Variants in CDH23 observed in about 807,000 individuals in gnomAD.
CDH23 encodes the protein cadherin-23.
In CDH23, 189 loss-of-function variants were observed where a neutral mutation model predicts 317.1. The ratio of observed to expected loss-of-function variants is 0.60; its 90% CI spans 0.53 to 0.67. The LOEUF (loss-of-function observed/expected upper bound fraction) is 0.67, where lower values mean the gene tolerates loss of function less well. Ranked by LOEUF, CDH23 falls within the 30% of genes least tolerant of loss-of-function variation. CDH23 has a pLI of 0.00. For missense variants in CDH23, 4,401 were observed against 4,592.4 expected (o/e 0.96, Z 1.20); for synonymous variants, 1,839 against 1,876.8 (o/e 0.98, Z 0.52).
In CDH23 at chr10:71,732,176, C is replaced by G. The variant is rs771886033; in HGVS notation, c.3905C>G (p.Thr1302Ser). The G allele has an allele frequency of 1.2e-6, 2 of 1,613,874 alleles. No homozygotes were observed. Among genetic ancestry groups the G allele is most frequent in the African/African-American group, 2.7e-5 (2 of 74,932 alleles). Reference sequence around the variant, plus strand: ...CAGGGCTTCTGCAGCGTCTACATCACTCTGCTCAACGAGCTGGACGAGGCC... The same window carrying G: ...CAGGGCTTCTGCAGCGTCTACATCAGTCTGCTCAACGAGCTGGACGAGGCC... ...FNQGFCSVYI[T>S]LLNELDEAVQ... The change falls in exon 32 of 70, where the codon ACT (threonine) becomes AGT (serine). Residue 1302 changes from threonine to serine, a missense_variant. Around this residue, in one of 3 missense-constraint regions of CDH23, gnomAD observed 3,068 missense variants for 3,203.3 expected, o/e 0.96. Transcript: ENST00000224721.
chr10:71,744,195 G>A (rs979984154), intron 38 of CDH23, among the ~76,000 whole-genome samples: 11 of 152,276 alleles, frequency 7.2e-5, no homozygotes, highest in South Asian at 4.1e-4. Context: ...CTGTCAGTGA[G>A]GAAGAAGTGG....
chr10:71,584,787 G>A (rs1177999666), intron 9 of CDH23, among the ~76,000 whole-genome samples: 1 of 152,202 alleles, frequency 6.6e-6, no homozygotes, highest in Admixed American at 6.5e-5. Context: ...GAATTGCTTT[G>A]GAACTCTGAA....
chr10:71,765,511 G>A (rs1295361369), intron 38 of CDH23, among the ~76,000 whole-genome samples: 9 of 152,316 alleles, frequency 5.9e-5, no homozygotes, highest in Admixed American at 2.0e-4. Context: ...TGTGAACAAG[G>A]TGGGGCAGGG....
intron 18 of CDH23, among the ~76,000 whole-genome samples, chr10:71,684,911 G>A (rs767977880): frequency 5.9e-5 from 9 of 152,210 alleles, no homozygotes; most frequent in East Asian, 5.8e-4. Context: ...CTCCAGGAAC[G>A]TGCCAAGTCC....
chr10:71,485,665 C>T (rs1439757930), intron 3 of CDH23, among the ~76,000 whole-genome samples: 1 of 152,242 alleles, frequency 6.6e-6, no homozygotes, highest in African/African-American at 2.4e-5. Flanking sequence ...GGTCCTACCT[C>T]CACTGGCTGT....
intron 26 of CDH23, among the ~76,000 whole-genome samples, chr10:71,708,791 A>G (rs962462365): frequency 2.0e-5 from 3 of 152,230 alleles, no homozygotes; most frequent in African/African-American, 7.2e-5. Context: ...CCAGAGTGGC[A>G]CAGGCACATC....
At chr10:71,741,105 G>A (rs995597217) in intron 37 of CDH23, among the ~76,000 whole-genome samples, 155 bp downstream of exon 37, 6 of 152,204 alleles carry the variant, frequency 3.9e-5, no homozygotes, top group East Asian at 1.9e-4. Context: ...TAGCCCTAAC[G>A]CCTAGCCTGG....
chr10:71,559,849 C>T lies in CDH23; in HGVS notation c.430-6893C>T, dbSNP rs763261706. Reference sequence around the variant, plus strand: ...GAAAGAAGAGATGTCGTCAAATTATCGCTCCCCGATTCCTCCAGGCAGAGA... The same window carrying T: ...GAAAGAAGAGATGTCGTCAAATTATTGCTCCCCGATTCCTCCAGGCAGAGA... On this transcript the variant is annotated intron_variant, in intron 6 of 69. Coordinates refer to ENST00000224721, the MANE Select transcript of CDH23 (RefSeq NM_022124.6). Among the ~76,000 whole-genome samples, 290 of 152,356 alleles carry T rather than the reference C, an allele frequency of 1.9e-3. 8 individuals carry two copies. The highest frequency in any genetic ancestry group is 3.5e-4 in the Non-Finnish European group (24 of 68,026).
chr10:71,621,327 T>A (rs1861456800), intron 11 of CDH23, among the ~76,000 whole-genome samples: 1 of 152,228 alleles, frequency 6.6e-6, no homozygotes, highest in Non-Finnish European at 1.5e-5. Flanking sequence ...CAGAACCCTC[T>A]GTCCCAGGCT....
At chr10:71,562,396 C>T (rs1176602439) in intron 6 of CDH23, among the ~76,000 whole-genome samples, 1 of 152,206 alleles carries the variant, frequency 6.6e-6, no homozygotes, top group African/African-American at 2.4e-5. Flanking sequence ...TGGCATTTAC[C>T]CAGGCTCCTT....
chr10:71,442,858 A>G lies in CDH23; in HGVS notation c.67+2960A>G, dbSNP rs181696672. 8.7e-4 allele frequency among the ~76,000 whole-genome samples: 133 copies of G among 152,244 alleles called. 1 individual carries two copies. Among genetic ancestry groups the G allele is most frequent in the African/African-American group, 3.2e-3 (131 of 41,562 alleles). ...TGTGGGCCACGCTGCAGTCACCTCAATGGTGACCAGGGTGCATGGGACACC... is the reference window on the plus strand; with the variant it reads ...TGTGGGCCACGCTGCAGTCACCTCAGTGGTGACCAGGGTGCATGGGACACC... On this transcript the variant is annotated intron_variant, in intron 2 of 69. Transcript: ENST00000224721.
intron 19 of CDH23, among the ~76,000 whole-genome samples, chr10:71,689,502 C>T (rs1377446240): frequency 2.0e-5 from 3 of 152,156 alleles, no homozygotes; most frequent in East Asian, 3.9e-4. Context: ...ATGTGCCTGT[C>T]CTCCTGCTCA....
rs560226809 is a variant in CDH23 at position 71,430,245 on chromosome 10, G to A, written c.-5-9582G>A. Among the ~76,000 whole-genome samples, 4 of 152,202 alleles carry A rather than the reference G, an allele frequency of 2.6e-5. No homozygotes were observed. In the East Asian group the frequency reaches 7.7e-4, roughly 29 times the overall value. On this transcript the variant is annotated intron_variant, in intron 1 of 69. Transcript: ENST00000224721. ...TCCATTCTTGTCCATGTGCCCAGCA[G>A]GGGCTGGGGATATGAGGATCAGGAG...
chr10:71,780,867 A>AAGAGGTGGCCACCTCTGGTGTAATTC (rs1249302591), intron 41 of CDH23, among the ~76,000 whole-genome samples: 7 of 152,152 alleles, frequency 4.6e-5, no homozygotes, highest in African/African-American at 1.2e-4. Flanking sequence ...ACCAAAGGGA[A>AAGAGGTGGCCACCTCTGGTGTAATTC]AGAGGTGGCC....
At chr10:71,622,519 G>A (rs1268757958) in intron 11 of CDH23, among the ~76,000 whole-genome samples, 2 of 152,168 alleles carry the variant, frequency 1.3e-5, no homozygotes, top group Non-Finnish European at 2.9e-5. Context: ...AGGGGGCGGG[G>A]GACGGAGGCA....
intron 38 of CDH23, among the ~76,000 whole-genome samples, chr10:71,760,284 T>G (rs1840340184): frequency 9.2e-6 from 1 of 108,782 alleles, no homozygotes; most frequent in Non-Finnish European, 2.1e-5. Flanking sequence ...TATGTATGTA[T>G]ATATGTGTAT....
chr10:71,491,437 A>G (rs542817188), intron 3 of CDH23, among the ~76,000 whole-genome samples: 1 of 152,324 alleles, frequency 6.6e-6, no homozygotes, highest in South Asian at 2.1e-4. Flanking sequence ...TCGAAATCCA[A>G]CAAAATGCCC....
Position 71,807,752 on chromosome 10 carries a change from G to C in CDH23, c.8545G>C (p.Ala2849Pro). 4 of 1,603,774 alleles carry C rather than the reference G, an allele frequency of 2.5e-6. No individual in the cohort carries two copies. The highest frequency in any genetic ancestry group is 3.4e-6 in the Non-Finnish European group (4 of 1,175,070). Reference sequence around the variant, plus strand: ...CGACCAGCCACCACGCTTCACCAAGGCTGAGTACACTGCAGGTGCAGGGAC... The same window carrying C: ...CGACCAGCCACCACGCTTCACCAAGCCTGAGTACACTGCAGGTGCAGGGAC... ...INDQPPRFTK[A>P]EYTAGVATDA... Residue 2849 changes from alanine (A) to proline (P), a missense_variant, in exon 59 of 70, where the codon GCT becomes CCT. Around this residue, in one of 3 missense-constraint regions of CDH23, gnomAD observed 1,144 missense variants for 1,138.2 expected, o/e 1.01. Coordinates refer to ENST00000224721, the MANE Select transcript of CDH23 (RefSeq NM_022124.6).
chr10:71,524,475 A>C (rs1490201860), intron 6 of CDH23, among the ~76,000 whole-genome samples: 1 of 152,208 alleles, frequency 6.6e-6, no homozygotes, highest in African/African-American at 2.4e-5. Context: ...AGTCAAAGGC[A>C]GCTAGGGGCA....
Sources: gnomAD v4.1 joint callset for allele counts (sites outside exome capture counted in the v4.1 genomes callset) on GRCh38, gnomAD v4.1.1 for gene constraint, gnomAD v4.1.1 regional missense constraint, MANE v1.5 for transcripts, NCBI Gene and HGNC (gene_info 2026-07-23, HGNC 2026-07-21) for gene names.